Variants in ELK4 observed in about 807,000 individuals in gnomAD.
ELK4 encodes ETS transcription factor ELK4.
In ELK4, 16 loss-of-function variants were observed where a neutral mutation model predicts 29.6. That is an observed-to-expected ratio of 0.54 (90% CI 0.37 to 0.82). The LOEUF is 0.82. ELK4 is among the 40% of genes least tolerant of loss of function. ELK4 has a pLI of 0.00. For missense variants in ELK4, 465 were observed against 507.1 expected (o/e 0.92, Z 0.80); for synonymous variants, 213 against 191.1 (o/e 1.11, Z -0.95).
chr1:205,622,669 C>G (rs1289831213), intron 2 of ELK4, among the ~76,000 whole-genome samples: 1 of 152,198 alleles, frequency 6.6e-6, no homozygotes, highest in Non-Finnish European at 1.5e-5. Flanking sequence ...CAGGCATGAG[C>G]CACTACTCCA....
Position 205,620,038 on chromosome 1 carries a change from A to G in ELK4, c.1008T>C (p.Ser336=). Reference sequence around the variant, plus strand: ...TCAGTATTCCCAGTGGGCTTGGATCACTGCTCGTGATCACAAGGGTGGGTG... The same window carrying G: ...TCAGTATTCCCAGTGGGCTTGGATCGCTGCTCGTGATCACAAGGGTGGGTG... The part of the protein sequence containing the change: ...ELAPTLVITS[S]DPSPLGILSP... The change falls in exon 3 of 5, where the codon AGT becomes AGC. Residue 336 remains serine (S), a synonymous_variant. Coordinates refer to ENST00000357992, the MANE Select transcript of ELK4 (RefSeq NM_001973.4). 6 of 1,614,230 alleles carry G rather than the reference A, an allele frequency of 3.7e-6. No individual in the cohort carries two copies. The Middle Eastern group carries it at 8.3e-4, about 222-fold the overall frequency.
In ELK4 at chr1:205,613,386, A is replaced by G. The variant is rs1386882168; in HGVS notation, c.*3160T>C. On this transcript the variant is annotated 3_prime_UTR_variant, in exon 5 of 5. Coordinates refer to ENST00000357992, the MANE Select transcript of ELK4 (RefSeq NM_001973.4). ...AAAGATCACTGAAGTCAGACATGAT[A>G]TTTTAATTTTGTATTTTGAAAAGTC... 1 of 183,408 alleles carries G rather than the reference A, an allele frequency of 5.5e-6. No homozygotes were observed. The highest frequency in any genetic ancestry group is 1.2e-5 in the Non-Finnish European group (1 of 86,348). 11.4% of individuals were successfully genotyped at this position (183,408 alleles called of 1,614,324 possible).
At chr1:205,626,057 GC>G in intron 1 of ELK4, 2 of 1,268,526 alleles carry the variant, frequency 1.6e-6, no homozygotes, top group Non-Finnish European at 2.3e-6. Context: ...ATGTCATTCT[GC>G]CCACCAGTGC....
chr1:205,614,382 G>A lies in ELK4; in HGVS notation c.*2164C>T, dbSNP rs1337991857. ...AACCATCTATATCTACTTATTTAATGTACAAAATGTTAACCTAATTAAAAC... is the reference window on the plus strand; with the variant it reads ...AACCATCTATATCTACTTATTTAATATACAAAATGTTAACCTAATTAAAAC... On this transcript the variant is annotated 3_prime_UTR_variant, in exon 5 of 5. Coordinates refer to ENST00000357992, the MANE Select transcript of ELK4 (RefSeq NM_001973.4). 1 of 226,190 alleles carries A rather than the reference G, an allele frequency of 4.4e-6. No homozygotes were observed. Among genetic ancestry groups the A allele is most frequent in the East Asian group, 6.4e-5 (1 of 15,574 alleles). The allele number at this position is 226,190 out of a possible 1,614,324, so 14.0% of individuals were successfully genotyped here.
At position 205,616,585 on chromosome 1, in the gene ELK4, G is replaced by A; in HGVS notation, c.1257C>T (p.Ser419=). ...GGTCTGGGGAAAATGGGCCAGGGGT[G>A]GAAGGTCCATCCAGCCCAGACAGAG... The part of the protein sequence containing the change: ...PFTLSGLDGP[S]TPGPFSPDLQ... The change falls in exon 5 of 5, where the codon TCC becomes TCT. Residue 419 remains serine (S), a synonymous_variant. Transcript: ENST00000357992. 6.2e-7 allele frequency: 1 copy of A among 1,614,132 alleles called. No individual in the cohort carries two copies. Among genetic ancestry groups the A allele is most frequent in the Non-Finnish European group, 8.5e-7 (1 of 1,180,014 alleles).
intron 1 of ELK4, among the ~76,000 whole-genome samples, chr1:205,624,495 G>C (rs1306782097): frequency 6.6e-6 from 1 of 152,168 alleles, no homozygotes; most frequent in African/African-American, 2.4e-5. Context: ...GCAGCATTTT[G>C]AATTCAGCAA....
rs1432308677 is a variant in ELK4 at position 205,608,406 on chromosome 1, A to C, written c.*8140T>G. 1 of 200,230 alleles carries C rather than the reference A, an allele frequency of 5.0e-6. No homozygotes were observed. The highest frequency in any genetic ancestry group is 7.7e-5 in the East Asian group (1 of 12,976). The allele number at this position is 200,230 out of a possible 1,614,324, so 12.4% of individuals were successfully genotyped here. ...AGATAGAATTCAAGACTCTAGCTAC[A>C]ATCATCCTAATCAATCTTAGAGCAA... is the stretch of plus-strand genomic sequence containing the variant. On this transcript the variant is annotated 3_prime_UTR_variant, in exon 5 of 5. Coordinates refer to ENST00000357992, the MANE Select transcript of ELK4 (RefSeq NM_001973.4).
intron 4 of ELK4, among the ~76,000 whole-genome samples, chr1:205,618,602 T>C (rs1054421659): frequency 1.6e-4 from 24 of 152,200 alleles, no homozygotes; most frequent in African/African-American, 5.3e-4. Context: ...GGTGGGCGGA[T>C]CACCTGAGGT....
Position 205,613,184 on chromosome 1 carries a change from T to G in ELK4, c.*3362A>C. ...TGACAAACCATTAATAAAGAAGGATTACTAAGCCAGGTGTGGTGGTGCATG... is the reference window on the plus strand; with the variant it reads ...TGACAAACCATTAATAAAGAAGGATGACTAAGCCAGGTGTGGTGGTGCATG... On this transcript the variant is annotated 3_prime_UTR_variant, in exon 5 of 5. Transcript: ENST00000357992. 5.2e-6 allele frequency: 1 copy of G among 193,562 alleles called. No individual in the cohort carries two copies. 12.0% of individuals were successfully genotyped at this position (193,562 alleles called of 1,614,324 possible).
rs1386871996 is a variant in ELK4, at chr1:205,615,046, T to C, written c.*1500A>G. On this transcript the variant is annotated 3_prime_UTR_variant, in exon 5 of 5. Coordinates refer to ENST00000357992, the MANE Select transcript of ELK4 (RefSeq NM_001973.4). ...AGGCCTACATTTTTTACTACTAATA[T>C]GAACAATCCAATCCCTATGTATAAG... 5.1e-6 allele frequency: 1 copy of C among 196,042 alleles called. No individual in the cohort carries two copies. The highest frequency in any genetic ancestry group is 1.1e-5 in the Non-Finnish European group (1 of 94,560). 12.1% of individuals were successfully genotyped at this position (196,042 alleles called of 1,614,324 possible). A position where few individuals can be genotyped will look rare whatever the true frequency, so the allele number is the denominator to read the frequency against.
chr1:205,625,488 AT>A, intron 1 of ELK4: 1 of 699,906 alleles, frequency 1.4e-6, no homozygotes, highest in South Asian at 1.4e-5. Flanking sequence ...ACAGGATGAA[AT>A]TCGTGTACAA....
chr1:205,626,329 C>T (rs1233023804), intron 1 of ELK4, among the ~76,000 whole-genome samples: 4 of 152,286 alleles, frequency 2.6e-5, no homozygotes, highest in South Asian at 2.1e-4. Flanking sequence ...GTTGGCATCT[C>T]GTACCTCTCC....
Position 205,612,538 on chromosome 1 carries a change from G to T in ELK4, c.*4008C>A, listed in dbSNP as rs1233095546. ...GTTTTTATGTTCAATAACTCTTACTGATCAATTTGTGTGTTCAAAAAGGCT... is the reference window on the plus strand; with the variant it reads ...GTTTTTATGTTCAATAACTCTTACTTATCAATTTGTGTGTTCAAAAAGGCT... On this transcript the variant is annotated 3_prime_UTR_variant, in exon 5 of 5. Transcript: ENST00000357992. 1.9e-5 allele frequency: 4 copies of T among 213,370 alleles called. No homozygotes were observed. Among genetic ancestry groups the T allele is most frequent in the Non-Finnish European group, 3.8e-5 (4 of 105,692 alleles). 13.2% of individuals were successfully genotyped at this position (213,370 alleles called of 1,614,324 possible).
Position 205,616,391 on chromosome 1 carries a change from A to G in ELK4, c.*155T>C. The G allele has an allele frequency of 1.5e-6, 1 of 651,878 alleles. No homozygotes were observed. The highest frequency in any genetic ancestry group is 2.6e-6 in the Non-Finnish European group (1 of 381,136). The allele number at this position is 651,878 out of a possible 1,614,324, so 40.4% of individuals were successfully genotyped here. On this transcript the variant is annotated 3_prime_UTR_variant, in exon 5 of 5. Coordinates refer to ENST00000357992, the MANE Select transcript of ELK4 (RefSeq NM_001973.4). ...ATAGTCCAACTTGAGTCCTATTCAA[A>G]GAGAATCCTAAAAAGATGTTTTCAA... is the stretch of plus-strand genomic sequence containing the variant.
At chr1:205,616,894 G>A (rs899938504) in intron 4 of ELK4, among the ~76,000 whole-genome samples, 3 of 152,142 alleles carry the variant, frequency 2.0e-5, no homozygotes, top group African/African-American at 7.2e-5. Flanking sequence ...AGAACAACCT[G>A]TACCCTCCTT....
chr1:205,616,805 A>G (rs148365032), intron 4 of ELK4, among the ~76,000 whole-genome samples, 161 bp from the exon 5 acceptor site: 9 of 152,372 alleles, frequency 5.9e-5, no homozygotes, highest in African/African-American at 2.2e-4. Context: ...TGTCATAACA[A>G]AAACTAGAAA....
At position 205,620,099 on chromosome 1, in the gene ELK4, G is replaced by T; in HGVS notation, c.947C>A (p.Ser316Ter). 2 of 1,614,230 alleles carry T rather than the reference G, an allele frequency of 1.2e-6. No homozygotes were observed. Among genetic ancestry groups the T allele is most frequent in the Non-Finnish European group, 1.7e-6 (2 of 1,180,038 alleles). The change falls in exon 3 of 5, where the codon TCA (serine) becomes TAA (stop). Residue 316 changes from serine (S) to a stop codon, truncating the protein, a stop_gained. Coordinates refer to ENST00000357992, the MANE Select transcript of ELK4 (RefSeq NM_001973.4). LOFTEE classifies it high-confidence loss of function. ...VLLEKDKVNN[S>*]SRSKKPKGLE... is the part of the protein sequence containing the mutation. Reference sequence around the variant, plus strand: ...CCCTTTGGGTTTCTTGGATCTTGATGAATTATTTACTTTGTCCTTTTCTAG... The same window carrying T: ...CCCTTTGGGTTTCTTGGATCTTGATTAATTATTTACTTTGTCCTTTTCTAG...
At chr1:205,619,577 A>C in intron 3 of ELK4, 1 of 1,209,048 alleles carries the variant, frequency 8.3e-7, no homozygotes, top group Admixed American at 4.1e-5. Context: ...GTTACTCAAC[A>C]TCACACCAGT....
At chr1:205,628,694 T>C (rs924369929) in intron 1 of ELK4, among the ~76,000 whole-genome samples, 2 of 152,166 alleles carry the variant, frequency 1.3e-5, no homozygotes, top group African/African-American at 4.8e-5. Context: ...TAACAGGTGT[T>C]CCCCAGATGG....
Sources: gnomAD v4.1 joint callset for allele counts (sites outside exome capture counted in the v4.1 genomes callset) on GRCh38, gnomAD v4.1.1 for gene constraint, MANE v1.5 for transcripts, NCBI Gene and HGNC (gene_info 2026-07-23, HGNC 2026-07-21) for gene names.